CSTL1: variants seen among roughly 807,000 people sequenced by gnomAD.
CSTL1 encodes the protein cystatin like 1.
A neutral mutation model predicts 14.4 loss-of-function variants in CSTL1; 14 were observed. The observed-to-expected ratio is 0.97, with a 90% CI of 0.64 to 1.52. CSTL1 has a LOEUF of 1.52. Among genes scored for constraint, CSTL1 ranks in the 40% most tolerant of loss-of-function variants. The pLI is 0.00. For missense variants in CSTL1, 170 were observed against 168.7 expected, an observed-to-expected ratio of 1.01 and a Z score of -0.04; for synonymous variants, 72 against 67.5, an observed-to-expected ratio of 1.07 and a Z score of -0.33.
chr20:23,457,655 AGTT>A, the CSTL1 span: 1 of 152,152 alleles, frequency 6.6e-6, no homozygotes, highest in Non-Finnish European at 1.5e-5. Context: ...GTGATCAATA[AGTT>A]GTAAATACCA....
downstream of CSTL1, among the ~76,000 whole-genome samples, chr20:23,449,677 G>A (rs951041413): frequency 6.6e-6 from 1 of 152,150 alleles, no homozygotes; most frequent in Admixed American, 6.5e-5. Flanking sequence ...TCCCGTGGCT[G>A]CTGTGCCTTC....
At chr20:23,452,735 G>A in the CSTL1 span, 4 of 1,614,182 alleles carry the variant, frequency 2.5e-6, no homozygotes, top group Non-Finnish European at 3.4e-6. Flanking sequence ...TTTCTTCCTT[G>A]CTTGGTAGGG....
chr20:23,456,935 G>T, the CSTL1 span, among the ~76,000 whole-genome samples: 259 of 152,236 alleles, frequency 1.7e-3, 1 homozygote, highest in Admixed American at 6.9e-3. Context: ...ATTACATGGG[G>T]CCCCTTCAGA....
In CSTL1 at chr20:23,440,476, G is replaced by C; in HGVS notation, c.209G>C (p.Ser70Thr). 1 of 1,612,694 alleles carries C rather than the reference G, an allele frequency of 6.2e-7. No individual in the cohort carries two copies. Among genetic ancestry groups the C allele is most frequent in the Non-Finnish European group, 8.5e-7 (1 of 1,178,668 alleles). Reference sequence around the variant, plus strand: ...TATCGAGTCCAGAGGCTAATTCGAAGTCAGATGCAGGTTTGTACCTTGCTC... The same window carrying C: ...TATCGAGTCCAGAGGCTAATTCGAACTCAGATGCAGGTTTGTACCTTGCTC... Reference protein sequence around the residue: ...YLYRVQRLIRSQMQLTTGVEY... With the variant: ...YLYRVQRLIRTQMQLTTGVEY... Residue 70 changes from serine (S) to threonine (T), a missense_variant, in exon 2 of 4, where the codon AGT (serine) becomes ACT (threonine). Physicochemically the swap from Ser to Thr is moderately conservative, Grantham distance 58. Coordinates refer to ENST00000347397, the MANE Select transcript of CSTL1 (RefSeq NM_138283.1).
downstream of CSTL1, among the ~76,000 whole-genome samples, chr20:23,449,155 T>TG (rs1987023247): frequency 6.6e-6 from 1 of 152,222 alleles, no homozygotes; most frequent in Admixed American, 6.5e-5. Flanking sequence ...GGAGCTCTCC[T>TG]GTTGGTGCTC....
the CSTL1 span, among the ~76,000 whole-genome samples, chr20:23,453,236 G>A: frequency 6.6e-6 from 1 of 151,786 alleles, no homozygotes; most frequent in Non-Finnish European, 1.5e-5. Flanking sequence ...CTGTGGGGAG[G>A]GGCCGCCTGC....
intron 2 of CSTL1, among the ~76,000 whole-genome samples, chr20:23,443,710 T>A (rs904688459): frequency 1.3e-5 from 2 of 152,188 alleles, no homozygotes; most frequent in Non-Finnish European, 2.9e-5. Context: ...TGAGAAGCTT[T>A]CTGTGGCTGC....
the CSTL1 span, among the ~76,000 whole-genome samples, chr20:23,457,279 G>A: frequency 1.1e-4 from 17 of 152,132 alleles, no homozygotes; most frequent in Admixed American, 1.1e-3. Context: ...GCTTGGGCGA[G>A]GGTCAGGTAG....
chr20:23,450,095 C>T, the CSTL1 span, among the ~76,000 whole-genome samples: 3 of 152,164 alleles, frequency 2.0e-5, no homozygotes, highest in Admixed American at 6.5e-5. Context: ...GCCCCTCAGA[C>T]GTGCCATCAC....
At chr20:23,454,810 C>G in the CSTL1 span, among the ~76,000 whole-genome samples, 1 of 152,224 alleles carries the variant, frequency 6.6e-6, no homozygotes, top group Non-Finnish European at 1.5e-5. Context: ...AATTAAGAGC[C>G]TATGGGCAGA....
the CSTL1 span, chr20:23,452,942 C>T: frequency 1.2e-5 from 8 of 652,614 alleles, no homozygotes; most frequent in Non-Finnish European, 1.9e-5. Context: ...CTCCTCTCCT[C>T]CTCCTCCCCC....
intron 2 of CSTL1, 153 bp downstream of exon 2, chr20:23,440,639 G>C (rs774738282): frequency 1.4e-6 from 1 of 724,994 alleles, no homozygotes; most frequent in East Asian, 2.7e-5. Context: ...GTACATTGTA[G>C]AGTTGTTCAG....
chr20:23,453,343 G>C, the CSTL1 span, among the ~76,000 whole-genome samples: 2 of 152,098 alleles, frequency 1.3e-5, no homozygotes, highest in Non-Finnish European at 2.9e-5. Flanking sequence ...CTACAGAAAG[G>C]TGTGAAGGGA....
intron 3 of CSTL1, among the ~76,000 whole-genome samples, 185 bp downstream of exon 3, chr20:23,444,229 C>G (rs764382801): frequency 6.6e-6 from 1 of 152,210 alleles, no homozygotes; most frequent in Non-Finnish European, 1.5e-5. Flanking sequence ...CTGGTACAGC[C>G]CTGCACCCAG....
At chr20:23,449,878 G>T (rs1252820257), downstream of CSTL1, among the ~76,000 whole-genome samples, 1 of 152,204 alleles carries the variant, frequency 6.6e-6, no homozygotes, top group Non-Finnish European at 1.5e-5. Context: ...TTTATAGACA[G>T]ACCTGGTTTG....
the CSTL1 span, among the ~76,000 whole-genome samples, chr20:23,456,247 C>T: frequency 6.6e-6 from 1 of 152,214 alleles, no homozygotes; most frequent in Non-Finnish European, 1.5e-5. Flanking sequence ...GCAATATACA[C>T]AGTCTCAATC....
chr20:23,450,067 G>C, the CSTL1 span, among the ~76,000 whole-genome samples: 20 of 152,310 alleles, frequency 1.3e-4, no homozygotes, highest in African/African-American at 4.3e-4. Flanking sequence ...GGTAAGGAGA[G>C]AGGGTGATCT....
chr20:23,453,414 G>A, the CSTL1 span, among the ~76,000 whole-genome samples: 667 of 152,266 alleles, frequency 4.4e-3, 7 homozygotes, highest in African/African-American at 0.014. Flanking sequence ...AGTGGCCTCC[G>A]CTGGACTTGC....
At chr20:23,449,994 T>C in the CSTL1 span, among the ~76,000 whole-genome samples, 1 of 152,324 alleles carries the variant, frequency 6.6e-6, no homozygotes, top group East Asian at 1.9e-4. Context: ...CTGGTTATCA[T>C]ATCAGTAGCA....
Sources: allele counts gnomAD v4.1 joint callset (sites outside exome capture counted in the v4.1 genomes callset), GRCh38; gene constraint gnomAD v4.1.1; transcripts MANE v1.5; gene names NCBI Gene and HGNC (gene_info 2026-07-23, HGNC 2026-07-21).